CASR: variants seen among roughly 807,000 people sequenced by gnomAD.
CASR encodes the protein extracellular calcium-sensing receptor.
Under a neutral mutation model 69.1 loss-of-function variants are expected in CASR, and 23 were observed. The ratio of observed to expected loss-of-function variants is 0.33; its 90% CI spans 0.24 to 0.47. The LOEUF is 0.47. Ranked by LOEUF, CASR falls within the 20% of genes least tolerant of loss-of-function variation. The probability of loss-of-function intolerance (pLI) is 1.00; values close to 1 mark genes in which losing one functional copy is unlikely to be tolerated. For missense variants in CASR, 924 were observed against 1,356.1 expected (o/e 0.68, Z 5.00); for synonymous variants, 541 against 544.7 (o/e 0.99, Z 0.10).
At chr3:122,198,165 A>G (rs1314762120) in intron 1 of CASR, among the ~76,000 whole-genome samples, 1 of 152,240 alleles carries the variant, frequency 6.6e-6, no homozygotes, top group Non-Finnish European at 1.5e-5. Flanking sequence ...AGTCGTCTCC[A>G]TAAAGAGCAA....
Position 122,262,082 on chromosome 3 carries a change from G to A in CASR, c.1047G>A (p.Lys349=). The part of the protein sequence containing the change: ...PRKSVHNGFA[K]EFWEETFNCH... ...AGTCTGTCCACAATGGTTTTGCCAA[G>A]GAGTTTTGGGAAGAAACATTTAACT... is the stretch of plus-strand genomic sequence containing the variant. The change falls in exon 4 of 7, where the codon AAG becomes AAA. Residue 349 remains lysine, a synonymous_variant. Transcript: ENST00000639785. 1 of 1,614,196 alleles carries A rather than the reference G, an allele frequency of 6.2e-7. No individual in the cohort carries two copies. Among genetic ancestry groups the A allele is most frequent in the Non-Finnish European group, 8.5e-7 (1 of 1,180,038 alleles).
At chr3:122,217,266 T>C (rs2074126272) in intron 1 of CASR, among the ~76,000 whole-genome samples, 1 of 149,650 alleles carries the variant, frequency 6.7e-6, no homozygotes, top group African/African-American at 2.4e-5. Context: ...GCCCGGTTAA[T>C]TTTTTTGTAG....
At chr3:122,275,757 A>T in intron 4 of CASR, 55 bp from the exon 5 acceptor site, 1 of 1,134,134 alleles carries the variant, frequency 8.8e-7, no homozygotes, top group Non-Finnish European at 1.3e-6. Context: ...CAGCCTACCT[A>T]ATTAGTTCTA....
intron 3 of CASR, 21 bp downstream of exon 3, chr3:122,257,408 G>A (rs373206938): frequency 2.1e-5 from 34 of 1,584,900 alleles, no homozygotes; most frequent in Middle Eastern, 2.0e-4. Context: ...CTTCTCAGGC[G>A]GGGCACTGGG....
chr3:122,238,697 G>A lies in CASR; in HGVS notation c.-242-15251G>A, dbSNP rs73184090. 5.5e-3 allele frequency among the ~76,000 whole-genome samples: 840 copies of A among 152,284 alleles called. 2 individuals are homozygous for A. The highest frequency in any genetic ancestry group is 0.014 in the Middle Eastern group (4 of 294). The stretch of plus-strand genomic sequence containing the variant: ...TTCTGCTTAAGGAGAGAAGAGCAAA[G>A]AGTAAAGAAGACTTTGTCTTGCACC... On this transcript the variant is annotated intron_variant, in intron 1 of 6. Coordinates refer to ENST00000639785, the MANE Select transcript of CASR (RefSeq NM_000388.4).
At chr3:122,274,024 A>C (rs1012045803) in intron 4 of CASR, among the ~76,000 whole-genome samples, 2 of 152,226 alleles carry the variant, frequency 1.3e-5, no homozygotes, top group African/African-American at 4.8e-5. Context: ...GAAGGCAAAC[A>C]TAAGGTTGTC....
intron 5 of CASR, among the ~76,000 whole-genome samples, chr3:122,278,318 G>A (rs570400823): frequency 6.6e-6 from 1 of 152,294 alleles, no homozygotes; most frequent in African/African-American, 2.4e-5. Context: ...TGAAGTTGAT[G>A]ACACTGAGGT....
rs1321353529 is a variant in CASR, at chr3:122,257,394, A to G, written c.492+7A>G. ...GCTCTTCTACATTCCCCAGGTACTCAAGCCTTCTCAGGCGGGGCACTGGGA... is the reference window on the plus strand; with the variant it reads ...GCTCTTCTACATTCCCCAGGTACTCGAGCCTTCTCAGGCGGGGCACTGGGA... On this transcript the variant is annotated splice_region_variant and intron_variant, in intron 3 of 6. Coordinates refer to ENST00000639785, the MANE Select transcript of CASR (RefSeq NM_000388.4). 1 of 1,611,324 alleles carries G rather than the reference A, an allele frequency of 6.2e-7. No individual in the cohort carries two copies. Among genetic ancestry groups the G allele is most frequent in the Non-Finnish European group, 8.5e-7 (1 of 1,178,174 alleles).
chr3:122,252,445 G>GAAAGAAAGAAAGAAAGAAA (rs1559954401), intron 1 of CASR, among the ~76,000 whole-genome samples: 1 of 67,780 alleles, frequency 1.5e-5, no homozygotes, highest in Non-Finnish European at 2.8e-5. Flanking sequence ...AAGAAAGAAA[G>GAAAGAAAGAAAGAAAGAAA]AAAAAAAAGA....
chr3:122,188,982 A>G (rs1359176546), intron 1 of CASR, among the ~76,000 whole-genome samples: 1 of 152,214 alleles, frequency 6.6e-6, no homozygotes, highest in African/African-American at 2.4e-5. Context: ...GAGCTTTATT[A>G]CTGTTTCCAC....
At chr3:122,282,275 C>A in intron 6 of CASR, 39 bp downstream of exon 6, 1 of 1,609,110 alleles carries the variant, frequency 6.2e-7, no homozygotes, top group South Asian at 1.1e-5. Flanking sequence ...AGGGCTTGGT[C>A]CACTTCGGAG....
intron 1 of CASR, among the ~76,000 whole-genome samples, chr3:122,192,905 C>T (rs1475443383): frequency 6.6e-6 from 1 of 152,196 alleles, no homozygotes; most frequent in Non-Finnish European, 1.5e-5. Context: ...TTTCATGGAA[C>T]TCCTGTCCAC....
intron 1 of CASR, among the ~76,000 whole-genome samples, chr3:122,251,424 T>C (rs150348979): frequency 6.6e-6 from 1 of 152,288 alleles, no homozygotes; most frequent in Non-Finnish European, 1.5e-5. Context: ...TGGGCTGAAA[T>C]CCAATCTGTG....
At chr3:122,275,308 C>G (rs1269337963) in intron 4 of CASR, among the ~76,000 whole-genome samples, 1 of 152,244 alleles carries the variant, frequency 6.6e-6, no homozygotes, top group Non-Finnish European at 1.5e-5. Flanking sequence ...TCATCTCTTT[C>G]TTCCTTCACC....
chr3:122,242,096 G>A (rs746695430), intron 1 of CASR, among the ~76,000 whole-genome samples: 1 of 151,940 alleles, frequency 6.6e-6, no homozygotes, highest in Non-Finnish European at 1.5e-5. Flanking sequence ...AAAAAATCTG[G>A]AAGCCTTTCC....
chr3:122,255,573 A>G (rs2074546219), intron 2 of CASR, among the ~76,000 whole-genome samples: 1 of 152,240 alleles, frequency 6.6e-6, no homozygotes, highest in Non-Finnish European at 1.5e-5. Flanking sequence ...AGAGCTGTAC[A>G]TGTGCCATGT....
At position 122,291,514 on chromosome 3, in the gene CASR, T is replaced by C. The variant is rs925321878; in HGVS notation, c.*6323T>C. The stretch of plus-strand genomic sequence containing the variant: ...AGCATTATAAATGAAGATTGCTTGG[T>C]AGTGGACTAATGGATAATTGTTTCT... On this transcript the variant is annotated 3_prime_UTR_variant, in exon 7 of 7. Transcript: ENST00000639785. 2 of 152,254 alleles carry C rather than the reference T, an allele frequency of 1.3e-5. No individual in the cohort carries two copies. The highest frequency in any genetic ancestry group is 1.5e-5 in the Non-Finnish European group (1 of 68,038). 9.4% of individuals were successfully genotyped at this position (152,254 alleles called of 1,614,324 possible).
chr3:122,215,329 C>T (rs2074107421), intron 1 of CASR, among the ~76,000 whole-genome samples: 1 of 152,220 alleles, frequency 6.6e-6, no homozygotes, highest in Non-Finnish European at 1.5e-5. Flanking sequence ...GCTTCCACGT[C>T]GCTCAAGAGA....
Position 122,217,786 on chromosome 3 carries a change from A to G in CASR, c.-243+33974A>G, listed in dbSNP as rs141972967. Among the ~76,000 whole-genome samples the G allele has an allele frequency of 1.7e-3, 265 of 152,338 alleles. 2 individuals carry two copies. Among genetic ancestry groups the G allele is most frequent in the Non-Finnish European group, 3.1e-3 (208 of 68,022 alleles). On this transcript the variant is annotated intron_variant, in intron 1 of 6. Coordinates refer to ENST00000639785, the MANE Select transcript of CASR (RefSeq NM_000388.4). ...ATAGTGGTTGAAAGGACAAAATTTC[A>G]GGTACTTAGCATAGCCTGCCACAGA...
Sources: gnomAD v4.1 joint callset for allele counts (sites outside exome capture counted in the v4.1 genomes callset) on GRCh38, gnomAD v4.1.1 for gene constraint, MANE v1.5 for transcripts, NCBI Gene and HGNC (gene_info 2026-07-23, HGNC 2026-07-21) for gene names.